The following PTER variants were observed in gnomAD, a reference collection of about 807,000 sequenced individuals.
PTER encodes the protein phosphotriesterase related.
Under a neutral mutation model 29.6 loss-of-function variants are expected in PTER, and 38 were observed. The observed-to-expected ratio is 1.28, with a 90% CI of 0.99 to 1.68. The LOEUF (loss-of-function observed/expected upper bound fraction) is 1.68. Ranked by LOEUF, PTER falls within the 40% of genes most tolerant of loss-of-function variation. The pLI is 0.00. For synonymous variants in PTER, 172 were observed against 154.5 expected (o/e 1.11, Z -0.84); for missense variants, 482 against 427.8 (o/e 1.13, Z -1.12).
At chr10:16,500,185 G>T (rs768927) in intron 3 of PTER, among the ~76,000 whole-genome samples, 1 of 151,812 alleles carries the variant, frequency 6.6e-6, no homozygotes, top group South Asian at 2.1e-4. Context: ...AAGTCACTCC[G>T]CTTTATATAA....
rs1836883776 is a variant in PTER at position 16,513,342 on chromosome 10, T to A, written c.*2086T>A. On this transcript the variant is annotated 3_prime_UTR_variant, in exon 5 of 5. Transcript: ENST00000535784. ...GTGTGTATATATGCATACACTTTTT[T>A]ATATTAAAATTTTGAGGCTATACAG... 1 of 152,548 alleles carries A rather than the reference T, an allele frequency of 6.6e-6. No homozygotes were observed. The highest frequency in any genetic ancestry group is 2.4e-5 in the African/African-American group (1 of 41,444). The allele number at this position is 152,548 out of a possible 1,614,324, so 9.4% of individuals were successfully genotyped here.
At position 16,481,813 on chromosome 10, in the gene PTER, G is replaced by A. The variant is rs1462700938; in HGVS notation, c.-48-2524G>A. ...GCCCCTCTGTGACTCTCTGGAACAC[G>A]TCTGTAAGATGGTCAGCCAGAAGGA... On this transcript the variant is annotated intron_variant, in intron 1 of 4. Transcript: ENST00000535784. 5.3e-5 allele frequency among the ~76,000 whole-genome samples: 8 copies of A among 152,242 alleles called. No homozygotes were observed. The East Asian group carries it at 7.7e-4, about 15-fold the overall frequency.
In PTER at chr10:16,499,957, T is replaced by C. The variant is rs541858720; in HGVS notation, c.699-5063T>C. ...GGTCTCTCTGTGTTTCGTCTCAAAC[T>C]CCTGGGCTCAAGCAACCCTCCCAGA... On this transcript the variant is annotated intron_variant, in intron 3 of 4. Coordinates refer to ENST00000535784, the MANE Select transcript of PTER (RefSeq NM_001261836.2). Among the ~76,000 whole-genome samples, 4 of 151,750 alleles carry C rather than the reference T, an allele frequency of 2.6e-5. No homozygotes were observed. The South Asian group carries it at 8.4e-4, about 32-fold the overall frequency.
intron 1 of PTER, among the ~76,000 whole-genome samples, chr10:16,457,179 G>A (rs1417427087): frequency 1.3e-5 from 2 of 151,848 alleles, no homozygotes; most frequent in South Asian, 2.1e-4. Flanking sequence ...GCTTTAATAC[G>A]TTTAACCCTT....
chr10:16,467,909 A>G (rs183839667), intron 1 of PTER, among the ~76,000 whole-genome samples: 4 of 152,358 alleles, frequency 2.6e-5, no homozygotes, highest in African/African-American at 9.6e-5. Flanking sequence ...TCCAGAGCCC[A>G]AACACTTTGG....
chr10:16,444,781 A>G (rs1470337742), intron 1 of PTER, among the ~76,000 whole-genome samples: 1 of 152,200 alleles, frequency 6.6e-6, no homozygotes, highest in Non-Finnish European at 1.5e-5. Context: ...TCTATAATGC[A>G]TACTATCTTT....
intron 3 of PTER, among the ~76,000 whole-genome samples, chr10:16,492,448 C>T (rs758045991): frequency 2.0e-4 from 30 of 152,206 alleles, no homozygotes; most frequent in South Asian, 8.3e-4. Context: ...CGGTCTAATA[C>T]AGGCTAGATG....
intron 1 of PTER, among the ~76,000 whole-genome samples, chr10:16,460,829 G>A (rs1834585567): frequency 6.6e-6 from 1 of 151,986 alleles, no homozygotes. Context: ...AGATTCTCCT[G>A]CCTCAGCCTC....
intron 4 of PTER, 68 bp downstream of exon 4, chr10:16,505,228 A>C: frequency 3.9e-6 from 6 of 1,554,026 alleles, no homozygotes; most frequent in Non-Finnish European, 5.2e-6. Context: ...TATCTAGGGA[A>C]GTATTAGCAA....
intron 1 of PTER, among the ~76,000 whole-genome samples, chr10:16,480,573 G>A (rs1431369198): frequency 6.6e-6 from 1 of 152,100 alleles, no homozygotes; most frequent in African/African-American, 2.4e-5. Context: ...AGAGTCCGGG[G>A]TGGGAGAAGA....
intron 3 of PTER, among the ~76,000 whole-genome samples, chr10:16,489,848 G>C (rs960171663): frequency 6.6e-6 from 1 of 152,106 alleles, no homozygotes; most frequent in Non-Finnish European, 1.5e-5. Flanking sequence ...AGACTTGAGA[G>C]ACTTAGACCC....
downstream of PTER, among the ~76,000 whole-genome samples, chr10:16,518,144 A>G (rs1023586346): frequency 6.6e-6 from 1 of 152,258 alleles, no homozygotes; most frequent in African/African-American, 2.4e-5. Context: ...AGACCAGAAT[A>G]TAATTGAAAA....
intron 1 of PTER, among the ~76,000 whole-genome samples, chr10:16,444,148 C>T (rs557688909): frequency 5.3e-5 from 8 of 152,028 alleles, no homozygotes; most frequent in South Asian, 2.1e-4. Context: ...ACTATAGGCA[C>T]GTGCCACCAT....
intron 1 of PTER, among the ~76,000 whole-genome samples, chr10:16,445,734 C>A (rs1316453903): frequency 6.6e-6 from 1 of 152,166 alleles, no homozygotes; most frequent in Non-Finnish European, 1.5e-5. Flanking sequence ...GCCTTCTGCC[C>A]AATGTCTTCT....
chr10:16,473,547 A>AC (rs1835141912), intron 1 of PTER, among the ~76,000 whole-genome samples: 2 of 141,240 alleles, frequency 1.4e-5, no homozygotes, highest in Non-Finnish European at 3.1e-5. Context: ...AAAAAAAAAA[A>AC]CAGTTAGTTC....
chr10:16,452,694 C>CCTTCTCCT (rs1834258609), intron 1 of PTER, among the ~76,000 whole-genome samples: 3 of 151,708 alleles, frequency 2.0e-5, no homozygotes, highest in African/African-American at 7.3e-5. Flanking sequence ...TTCTCCTTCT[C>CCTTCTCCT]CTTCTCCTTC....
At position 16,449,428 on chromosome 10, in the gene PTER, CTTTTTTTTTT is replaced by C. The variant is rs35475659; in HGVS notation, c.-49+12393_-49+12402del. On this transcript the variant is annotated intron_variant, in intron 1 of 4. Coordinates refer to ENST00000535784, the MANE Select transcript of PTER (RefSeq NM_001261836.2). ...GGATAAGGGTTTCAACAATAATTTT[CTTTTTTTTTT>C]TTTTTTTTTTTGAGACGGAGTCTCA... 1.1e-4 allele frequency among the ~76,000 whole-genome samples: 11 copies of C among 101,858 alleles called. No homozygotes were observed. In the South Asian group the frequency reaches 1.8e-3, roughly 17 times the overall value. The allele number at this position is 101,858 out of a possible 152,430, so 66.8% of individuals were successfully genotyped here.
chr10:16,438,474 T>TG lies in PTER; in HGVS notation c.-49+1427_-49+1428insG, dbSNP rs958241750. Among the ~76,000 whole-genome samples, 147 of 150,832 alleles carry TG rather than the reference T, an allele frequency of 9.7e-4. 1 individual carries two copies. Among genetic ancestry groups the TG allele is most frequent in the African/African-American group, 3.2e-3 (132 of 41,250 alleles). ...GTTTTTATTTTCTGTTTTTTGTTTTTTTTTTTGTATTTTTGGTAGAGACGG... is the reference window on the plus strand; with the variant it reads ...GTTTTTATTTTCTGTTTTTTGTTTTTGTTTTTTGTATTTTTGGTAGAGACGG... On this transcript the variant is annotated intron_variant, in intron 1 of 4. Transcript: ENST00000535784.
Position 16,511,014 on chromosome 10 carries a change from A to G in PTER, c.840-32A>G, listed in dbSNP as rs374246747. 14 of 1,575,576 alleles carry G rather than the reference A, an allele frequency of 8.9e-6. No individual in the cohort carries two copies. In the African/African-American group the frequency reaches 1.6e-4, roughly 18 times the overall value. On this transcript the variant is annotated intron_variant, in intron 4 of 4. Coordinates refer to ENST00000535784, the MANE Select transcript of PTER (RefSeq NM_001261836.2). ...TCCTGAAAAGCGAAAATGAAAGACA[A>G]ATGACATCTAATGAGTTAACATTTT...
Sources: gnomAD v4.1 joint callset for allele counts (sites outside exome capture counted in the v4.1 genomes callset) on GRCh38, gnomAD v4.1.1 for gene constraint, MANE v1.5 for transcripts, NCBI Gene and HGNC (gene_info 2026-07-23, HGNC 2026-07-21) for gene names.